Variants in SGCZ observed in about 807,000 individuals in gnomAD.
SGCZ encodes sarcoglycan zeta.
Under a neutral mutation model 41.3 loss-of-function variants are expected in SGCZ, and 40 were observed. The observed-to-expected ratio is 0.97, with a 90% confidence interval of 0.75 to 1.26. The LOEUF (loss-of-function observed/expected upper bound fraction) is 1.26, where lower values mean the gene tolerates loss of function less well. Ranked by LOEUF, SGCZ falls within the 50% of genes most tolerant of loss-of-function variation. SGCZ has a pLI of 0.00. For missense variants in SGCZ, 552 were observed against 369.8 expected, an observed-to-expected ratio of 1.49 and a Z score of -4.04; for synonymous variants, 206 against 137.5, an observed-to-expected ratio of 1.50 and a Z score of -3.49.
chr8:14,266,542 T>C (rs574469775), intron 3 of SGCZ, among the ~76,000 whole-genome samples: 1 of 152,086 alleles, frequency 6.6e-6, no homozygotes, highest in African/African-American at 2.4e-5. Context: ...ACAGATTAAA[T>C]GGAGAGAGAA....
At chr8:14,562,217 AC>A (rs1286627133) in intron 1 of SGCZ, among the ~76,000 whole-genome samples, 1 of 152,154 alleles carries the variant, frequency 6.6e-6, no homozygotes, top group East Asian at 1.9e-4. Context: ...TGGAATCATT[AC>A]TTCAGTATTT....
At chr8:14,723,961 C>A (rs1038621335) in intron 1 of SGCZ, among the ~76,000 whole-genome samples, 1 of 152,054 alleles carries the variant, frequency 6.6e-6, no homozygotes, top group Non-Finnish European at 1.5e-5. Flanking sequence ...GAGTTCTGAC[C>A]ACATTAATGG....
rs1386957252 is a variant in SGCZ, at chr8:15,237,586, T to G, written c.38A>C (p.Lys13Thr). The G allele has an allele frequency of 1.3e-6, 2 of 1,590,094 alleles. No individual in the cohort carries two copies. The highest frequency in any genetic ancestry group is 2.3e-5 in the South Asian group (2 of 87,828). ...RSTNLDIEEL[K>T]MTREQYILAT... is the part of the protein sequence containing the mutation. ...AAGCCCGCCCGGACCCGCACGTACC[T>G]TGAGCTCCTCAATGTCCAGGTTCGT... Residue 13 changes from lysine (K) to threonine (T), a missense_variant and splice_region_variant, in exon 1 of 8, where the codon AAG (lysine) becomes ACG (threonine). Transcript: ENST00000382080.
At chr8:15,053,170 A>G (rs2130996712) in intron 1 of SGCZ, among the ~76,000 whole-genome samples, 1 of 152,226 alleles carries the variant, frequency 6.6e-6, no homozygotes, top group Non-Finnish European at 1.5e-5. Flanking sequence ...TTTCACAGCA[A>G]ATCTTTTATT....
intron 1 of SGCZ, among the ~76,000 whole-genome samples, chr8:14,725,409 T>C (rs1810017221): frequency 6.6e-6 from 1 of 152,188 alleles, no homozygotes; most frequent in Non-Finnish European, 1.5e-5. Context: ...GGAACCGTTT[T>C]CCTTATGACT....
chr8:14,870,442 A>G (rs1177444331), intron 1 of SGCZ, among the ~76,000 whole-genome samples: 1 of 152,160 alleles, frequency 6.6e-6, no homozygotes, highest in Non-Finnish European at 1.5e-5. Context: ...AACTCAAGTA[A>G]GATTAAGGAC....
In SGCZ at chr8:14,090,590, G is replaced by C; in HGVS notation, c.792C>G (p.Gly264=). ...ETIKLGNLPT[G]SFSSSSPSSS... ...AGCTGGGTGAAGAAGATGAGAAGGAGCCAGTTGGTAGATTTCCCAGCTTGA... is the reference window on the plus strand; with the variant it reads ...AGCTGGGTGAAGAAGATGAGAAGGACCCAGTTGGTAGATTTCCCAGCTTGA... Residue 264 remains glycine, a synonymous_variant, in exon 8 of 8, where the codon GGC becomes GGG. Transcript: ENST00000382080. The C allele has an allele frequency of 6.2e-7, 1 of 1,612,736 alleles. No individual in the cohort carries two copies. The highest frequency in any genetic ancestry group is 1.1e-5 in the South Asian group (1 of 91,016).
intron 3 of SGCZ, among the ~76,000 whole-genome samples, chr8:14,265,189 CT>C (rs1799828955): frequency 6.6e-6 from 1 of 152,124 alleles, no homozygotes; most frequent in African/African-American, 2.4e-5. Context: ...CTTTAAAACC[CT>C]TTTCCCATTT....
At chr8:15,175,302 C>T (rs895864033) in intron 1 of SGCZ, among the ~76,000 whole-genome samples, 2 of 151,652 alleles carry the variant, frequency 1.3e-5, no homozygotes. Flanking sequence ...CAATGACAGA[C>T]TGGATAAAGA....
At chr8:14,590,200 T>TA (rs1805196613) in intron 1 of SGCZ, among the ~76,000 whole-genome samples, 2 of 152,208 alleles carry the variant, frequency 1.3e-5, no homozygotes, top group South Asian at 4.1e-4. Context: ...AAAATAGATT[T>TA]AAATATCTTA....
At chr8:15,056,077 G>C (rs937453704) in intron 1 of SGCZ, among the ~76,000 whole-genome samples, 1 of 152,106 alleles carries the variant, frequency 6.6e-6, no homozygotes, top group Non-Finnish European at 1.5e-5. Context: ...TGCTGTCCCT[G>C]AAAAAAATAA....
chr8:14,389,964 C>T (rs1401760534), intron 2 of SGCZ, among the ~76,000 whole-genome samples: 1 of 151,814 alleles, frequency 6.6e-6, no homozygotes, highest in South Asian at 2.1e-4. Context: ...TATTGAGAAA[C>T]GAAGACGGGG....
chr8:15,052,536 C>G (rs1454596), intron 1 of SGCZ, among the ~76,000 whole-genome samples: 12,309 of 152,040 alleles, frequency 0.081, 1,580 homozygotes, highest in African/African-American at 0.27. Context: ...GGGCTTCGTT[C>G]TAACGCTCCT....
At chr8:15,218,300 CTATTA>C (rs1194397900) in intron 1 of SGCZ, among the ~76,000 whole-genome samples, 1 of 152,084 alleles carries the variant, frequency 6.6e-6, no homozygotes, top group Non-Finnish European at 1.5e-5. Context: ...GCCTATTGCC[CTATTA>C]TAAATCAAAT....
intron 1 of SGCZ, among the ~76,000 whole-genome samples, chr8:14,806,308 G>C (rs910201152): frequency 2.7e-4 from 41 of 149,804 alleles, no homozygotes; most frequent in Non-Finnish European, 1.5e-5. Context: ...TTTTTGAAAG[G>C]ATCAACAAAA....
chr8:14,148,882 A>G (rs900327396), intron 5 of SGCZ, among the ~76,000 whole-genome samples: 2 of 152,194 alleles, frequency 1.3e-5, no homozygotes, highest in African/African-American at 4.8e-5. Flanking sequence ...ATAGTTCAAC[A>G]TGCACAAACC....
chr8:14,651,083 T>G (rs970696358), intron 1 of SGCZ, among the ~76,000 whole-genome samples: 4 of 152,060 alleles, frequency 2.6e-5, no homozygotes, highest in African/African-American at 7.2e-5. Flanking sequence ...TTAGCAGCTA[T>G]GTATCAGTTC....
chr8:14,933,770 A>G (rs1031006820), intron 1 of SGCZ, among the ~76,000 whole-genome samples: 1 of 151,956 alleles, frequency 6.6e-6, no homozygotes, highest in South Asian at 2.1e-4. Flanking sequence ...TGATTTTTAA[A>G]TAGTATACAC....
intron 1 of SGCZ, among the ~76,000 whole-genome samples, chr8:14,795,486 A>G (rs1339265950): frequency 2.0e-5 from 3 of 151,886 alleles, no homozygotes; most frequent in Non-Finnish European, 4.4e-5. Flanking sequence ...GCTGTCACCC[A>G]TGCTGGAGTA....
Sources: allele counts gnomAD v4.1 joint callset (sites outside exome capture counted in the v4.1 genomes callset), GRCh38; gene constraint gnomAD v4.1.1; transcripts MANE v1.5; gene names NCBI Gene and HGNC (gene_info 2026-07-23, HGNC 2026-07-21).